CEP152: variants seen among roughly 807,000 people sequenced by gnomAD.
CEP152 encodes centrosomal protein 152.
A neutral mutation model predicts 188.9 loss-of-function variants in CEP152; 132 were observed. That is an observed-to-expected ratio of 0.70 (90% CI 0.61 to 0.81). The LOEUF is 0.81. Ranked by LOEUF, CEP152 falls within the 30% of genes least tolerant of loss-of-function variation. CEP152 has a pLI of 0.00. For synonymous variants in CEP152, 649 were observed against 666.6 expected (o/e 0.97, Z 0.41); for missense variants, 1,914 against 1,969.8 (o/e 0.97, Z 0.54).
At chr15:48,737,929 T>C, downstream of CEP152, 1 of 214,252 alleles carries the variant, frequency 4.7e-6, no homozygotes, top group Non-Finnish European at 9.4e-6. Context: ...AAATAATTCA[T>C]AACAATTCTA....
At chr15:48,778,375 C>T (rs1051081243) in intron 12 of CEP152, among the ~76,000 whole-genome samples, 2 of 152,160 alleles carry the variant, frequency 1.3e-5, no homozygotes. Context: ...AGACAAATAT[C>T]TTCTCTCCTT....
chr15:48,789,155 C>T (rs1315408839), intron 8 of CEP152, 154 bp from the exon 9 acceptor site: 5 of 703,990 alleles, frequency 7.1e-6, no homozygotes, highest in Non-Finnish European at 9.8e-6. Context: ...GGCTCAAGCT[C>T]CTTAAAACAA....
rs138212530 is a variant in CEP152, at chr15:48,802,206, T to C, written c.87+3357A>G. Among the ~76,000 whole-genome samples, 204 of 152,286 alleles carry C rather than the reference T, an allele frequency of 1.3e-3. 1 individual carries two copies. Among genetic ancestry groups the C allele is most frequent in the African/African-American group, 4.6e-3 (190 of 41,572 alleles). On this transcript the variant is annotated intron_variant, in intron 2 of 26. Transcript: ENST00000380950. ...TATTGTTACATTATGAGTGAGTTAA[T>C]ACAAGAGCTTCTGAATTATTTTCTG...
chr15:48,795,816 C>T (rs1897252601), intron 6 of CEP152, among the ~76,000 whole-genome samples, 194 bp downstream of exon 6: 1 of 152,090 alleles, frequency 6.6e-6, no homozygotes, highest in Non-Finnish European at 1.5e-5. Context: ...AAAGTAAATC[C>T]TAGACTTCAT....
intron 18 of CEP152, 63 bp downstream of exon 18, chr15:48,762,328 T>C (rs898888735): frequency 3.5e-6 from 5 of 1,411,158 alleles, no homozygotes; most frequent in Middle Eastern, 1.8e-4. Context: ...GATAGCATTG[T>C]ATGGGTTTTC....
intron 6 of CEP152, 38 bp from the exon 7 acceptor site, chr15:48,793,499 C>G: frequency 1.3e-6 from 2 of 1,569,472 alleles, no homozygotes; most frequent in East Asian, 4.5e-5. Flanking sequence ...AAAAACATAC[C>G]AAAATATAAA....
intron 2 of CEP152, among the ~76,000 whole-genome samples, chr15:48,731,986 C>T (rs553394853): frequency 1.3e-5 from 2 of 152,276 alleles, no homozygotes; most frequent in East Asian, 3.9e-4. Flanking sequence ...AATGAGATAC[C>T]ATCTCACGCC....
At chr15:48,730,184 G>A (rs1236199874) in intron 2 of CEP152, among the ~76,000 whole-genome samples, 1 of 152,190 alleles carries the variant, frequency 6.6e-6, no homozygotes, top group African/African-American at 2.4e-5. Context: ...CAGTGAGGTA[G>A]TGCTAACAGT....
chr15:48,744,278 AG>A lies in CEP152; in HGVS notation c.3796del (p.Leu1266PhefsTer9). ...LPCSGGALEE[L>X]RGQYIKAVKK... ...TACAGCTTTAATGTACTGCCCACGA[AG>A]TTCTTCCAAGGCTCCCCCACTGCAT... On this transcript the variant is annotated frameshift_variant, in exon 24 of 27. Coordinates refer to ENST00000380950, the MANE Select transcript of CEP152 (RefSeq NM_001194998.2). LOFTEE classifies it high-confidence loss of function. The A allele has an allele frequency of 6.2e-7, 1 of 1,614,072 alleles. No homozygotes were observed. The highest frequency in any genetic ancestry group is 1.7e-5 in the Admixed American group (1 of 60,012).
intron 6 of CEP152, 38 bp downstream of exon 6, chr15:48,795,972 A>G (rs1897261378): frequency 1.3e-6 from 2 of 1,569,686 alleles, no homozygotes; most frequent in East Asian, 4.5e-5. Flanking sequence ...TTCCCCAATT[A>G]TGTGGTATTA....
In CEP152 at chr15:48,756,035, CA is replaced by C. The variant is rs1555418825; in HGVS notation, c.3212del (p.Leu1071TrpfsTer20). On this transcript the variant is annotated frameshift_variant, in exon 20 of 27. Transcript: ENST00000380950. LOFTEE classifies it high-confidence loss of function. ...HISDSEDKQL[L>X]EIMSTCSSKW... Reference sequence around the variant, plus strand: ...TTGAAGAACAAGTCGACATGATTTCCAAAAGCTGCTTGTCCTCAGAATCACT... The same window carrying C: ...TTGAAGAACAAGTCGACATGATTTCCAAAGCTGCTTGTCCTCAGAATCACT... 8 of 1,613,976 alleles carry C rather than the reference CA, an allele frequency of 5.0e-6. No individual in the cohort carries two copies. The Middle Eastern group carries it at 1.3e-3, about 266-fold the overall frequency.
chr15:48,765,778 C>G (rs1385297715), intron 17 of CEP152: 1 of 335,252 alleles, frequency 3.0e-6, no homozygotes, highest in South Asian at 2.3e-5. Flanking sequence ...CTCAGCCTCC[C>G]GTGTAGCTGG....
chr15:48,795,308 C>T (rs369481199), intron 6 of CEP152, among the ~76,000 whole-genome samples: 64 of 152,054 alleles, frequency 4.2e-4, no homozygotes, highest in African/African-American at 1.5e-3. Context: ...ATGACTGAAC[C>T]TGATATCTAA....
intron 15 of CEP152, 77 bp downstream of exon 15, chr15:48,768,142 T>A: frequency 1.2e-6 from 1 of 850,012 alleles, no homozygotes; most frequent in East Asian, 2.4e-5. Flanking sequence ...TTGAATCTTT[T>A]TGTCACAGGG....
downstream of CEP152, among the ~76,000 whole-genome samples, chr15:48,735,627 C>T (rs1171201483): frequency 2.6e-5 from 4 of 152,030 alleles, no homozygotes; most frequent in East Asian, 1.9e-4. Context: ...CCCAGCTACT[C>T]GGGAGGCTGA....
chr15:48,798,852 G>T (rs1897495565), intron 2 of CEP152, among the ~76,000 whole-genome samples: 1 of 152,066 alleles, frequency 6.6e-6, no homozygotes, highest in Non-Finnish European at 1.5e-5. Flanking sequence ...TAGTCTGTTA[G>T]ACATAATTCA....
At chr15:48,742,405 A>G (rs1893045281) in intron 24 of CEP152, among the ~76,000 whole-genome samples, 1 of 152,222 alleles carries the variant, frequency 6.6e-6, no homozygotes, top group African/African-American at 2.4e-5. Context: ...TACTGTAAAT[A>G]TGAGGTACAG....
chr15:48,745,031 A>C (rs772996832), intron 22 of CEP152, 39 bp from the exon 23 acceptor site: 1 of 1,449,402 alleles, frequency 6.9e-7, no homozygotes, highest in Non-Finnish European at 9.4e-7. Flanking sequence ...ACAGTTAAAA[A>C]TTTTTTAAGC....
intron 10 of CEP152, 137 bp downstream of exon 10, chr15:48,783,836 T>C: frequency 2.0e-6 from 1 of 499,258 alleles, no homozygotes; most frequent in Admixed American, 3.7e-5. Flanking sequence ...AAATATATAT[T>C]TCTTTTTTTT....
Sources: gnomAD v4.1 joint callset for allele counts (sites outside exome capture counted in the v4.1 genomes callset) on GRCh38, gnomAD v4.1.1 for gene constraint, MANE v1.5 for transcripts, NCBI Gene and HGNC (gene_info 2026-07-23, HGNC 2026-07-21) for gene names.